FTO: variants seen among roughly 807,000 people sequenced by gnomAD.
FTO encodes alpha-ketoglutarate-dependent dioxygenase FTO.
Under a neutral mutation model 63.9 loss-of-function variants are expected in FTO, and 47 were observed. That is an observed-to-expected ratio of 0.74 (90% confidence interval 0.58 to 0.94). The LOEUF (loss-of-function observed/expected upper bound fraction) is 0.94. Among genes scored for constraint, FTO ranks in the 40% least tolerant of loss-of-function variants. The pLI is 0.00. For missense variants in FTO, 562 were observed against 618.1 expected (o/e 0.91, Z 0.96); for synonymous variants, 207 against 224.4 (o/e 0.92, Z 0.69).
chr16:53,825,737 C>T (rs1436101009), intron 2 of FTO, 127 bp from the exon 3 acceptor site: 23 of 1,013,024 alleles, frequency 2.3e-5, no homozygotes, highest in Admixed American at 3.5e-5. Flanking sequence ...GATGTGACTC[C>T]TATTTAGAAA....
chr16:53,707,437 C>T (rs1168497563), intron 1 of FTO, among the ~76,000 whole-genome samples: 1 of 152,144 alleles, frequency 6.6e-6, no homozygotes, highest in Non-Finnish European at 1.5e-5. Flanking sequence ...ATTACATTTG[C>T]AAGGACACTT....
chr16:54,037,973 A>G (rs575645664), intron 8 of FTO, among the ~76,000 whole-genome samples: 2 of 152,308 alleles, frequency 1.3e-5, no homozygotes, highest in East Asian at 1.9e-4. Flanking sequence ...ACCCTACACT[A>G]CTTCTCATCT....
At chr16:54,057,739 T>C (rs1238792193) in intron 8 of FTO, among the ~76,000 whole-genome samples, 1 of 152,134 alleles carries the variant, frequency 6.6e-6, no homozygotes, top group Non-Finnish European at 1.5e-5. Context: ...TTTTAATGCT[T>C]TGTATGCTCG....
rs116363259 is a variant in FTO, at chr16:53,773,773, T to C, written c.46-36367T>C. Among the ~76,000 whole-genome samples the C allele has an allele frequency of 7.1e-3, 1,084 of 152,286 alleles. 15 individuals carry two copies. The highest frequency in any genetic ancestry group is 0.024 in the African/African-American group (1,018 of 41,570). ...GTGTAACGTAAACATATTTGAGCTT[T>C]TATGTAAGGACCTAGTGAAGGTTTG... On this transcript the variant is annotated intron_variant, in intron 1 of 8. Coordinates refer to ENST00000471389, the MANE Select transcript of FTO (RefSeq NM_001080432.3).
At chr16:53,734,259 T>TG (rs1320885361) in intron 1 of FTO, among the ~76,000 whole-genome samples, 1 of 152,232 alleles carries the variant, frequency 6.6e-6, no homozygotes, top group South Asian at 2.1e-4. Context: ...GTCTATTATT[T>TG]GGTTTTTTTT....
At chr16:53,969,875 C>T (rs1346081772) in intron 8 of FTO, among the ~76,000 whole-genome samples, 6 of 152,274 alleles carry the variant, frequency 3.9e-5, no homozygotes, top group African/African-American at 9.6e-5. Context: ...GTTAGGGTAA[C>T]GTGGCTGTGA....
At chr16:53,778,104 A>ACCAAG (rs1305784700) in intron 1 of FTO, among the ~76,000 whole-genome samples, 8 of 152,226 alleles carry the variant, frequency 5.3e-5, no homozygotes, top group African/African-American at 1.9e-4. Context: ...CACCAAGGAC[A>ACCAAG]TGCTTAAGTG....
Position 54,112,214 on chromosome 16 carries a change from G to C in FTO, c.*299G>C, listed in dbSNP as rs1324327945. ...GGCAGGCGACAGGAACGAGCCCAGCGTGTGACAAAGCCTAACCTACTTTCC... is the reference window on the plus strand; with the variant it reads ...GGCAGGCGACAGGAACGAGCCCAGCCTGTGACAAAGCCTAACCTACTTTCC... On this transcript the variant is annotated 3_prime_UTR_variant, in exon 9 of 9. Coordinates refer to ENST00000471389, the MANE Select transcript of FTO (RefSeq NM_001080432.3). 2.5e-6 allele frequency: 1 copy of C among 407,876 alleles called. No individual in the cohort carries two copies. Among genetic ancestry groups the C allele is most frequent in the Non-Finnish European group, 4.6e-6 (1 of 216,742 alleles). 25.3% of individuals were successfully genotyped at this position (407,876 alleles called of 1,614,324 possible).
chr16:53,960,428 C>T (rs1481697197), intron 8 of FTO, among the ~76,000 whole-genome samples: 1 of 152,198 alleles, frequency 6.6e-6, no homozygotes, highest in Non-Finnish European at 1.5e-5. Context: ...TCTGATAGTG[C>T]TTGGCAGCCC....
intron 8 of FTO, among the ~76,000 whole-genome samples, chr16:54,098,001 G>T (rs1044939579): frequency 6.6e-6 from 1 of 152,122 alleles, no homozygotes; most frequent in East Asian, 1.9e-4. Flanking sequence ...ACTGCTCTTG[G>T]CCCCTTCAGG....
chr16:53,712,402 A>T (rs1012984685), intron 1 of FTO, among the ~76,000 whole-genome samples: 6 of 152,120 alleles, frequency 3.9e-5, no homozygotes, highest in African/African-American at 1.4e-4. Context: ...TTTTTTGCTT[A>T]ATCTCTCCTT....
intron 8 of FTO, among the ~76,000 whole-genome samples, chr16:54,008,891 A>G (rs1256121136): frequency 2.0e-5 from 3 of 151,632 alleles, no homozygotes; most frequent in African/African-American, 7.3e-5. Flanking sequence ...ATGTGCCTGT[A>G]GTCCCAGCTA....
chr16:53,878,158 C>A (rs576751596), intron 5 of FTO, among the ~76,000 whole-genome samples: 6 of 149,434 alleles, frequency 4.0e-5, no homozygotes, highest in Admixed American at 4.0e-4. Context: ...ATTAGCTGGG[C>A]GTGGTGGTGC....
chr16:53,829,632 G>T (rs1213546620), intron 3 of FTO, among the ~76,000 whole-genome samples: 1 of 152,246 alleles, frequency 6.6e-6, no homozygotes, highest in East Asian at 1.9e-4. Flanking sequence ...GTCATAGAGA[G>T]TGGACACTTC....
chr16:54,112,279 G>T lies in FTO; in HGVS notation c.*364G>T, dbSNP rs1216254363. The T allele has an allele frequency of 3.1e-6, 1 of 324,912 alleles. No homozygotes were observed. Among genetic ancestry groups the T allele is most frequent in the Non-Finnish European group, 5.9e-6 (1 of 169,010 alleles). The allele number at this position is 324,912 out of a possible 1,614,324, so 20.1% of individuals were successfully genotyped here. A position where few individuals can be genotyped will look rare whatever the true frequency, so the allele number is the denominator to read the frequency against. ...TTTCAGAGACTCTGGAGTGGACCCA[G>T]CCCTCTGGGGAAAGACAGAACTTAG... is the stretch of plus-strand genomic sequence containing the variant. On this transcript the variant is annotated 3_prime_UTR_variant, in exon 9 of 9. Coordinates refer to ENST00000471389, the MANE Select transcript of FTO (RefSeq NM_001080432.3).
intron 1 of FTO, among the ~76,000 whole-genome samples, chr16:53,807,081 T>C (rs1360904209): frequency 6.6e-6 from 1 of 152,238 alleles, no homozygotes; most frequent in East Asian, 1.9e-4. Context: ...ATTTCACCGA[T>C]GTAAGCATGA....
chr16:53,765,283 A>G (rs2151615863), intron 1 of FTO, among the ~76,000 whole-genome samples: 1 of 151,992 alleles, frequency 6.6e-6, no homozygotes, highest in Admixed American at 6.6e-5. Flanking sequence ...GTGGCTGGGC[A>G]TGGTGGCTCA....
At chr16:54,054,485 G>A (rs1344400939) in intron 8 of FTO, 2 of 152,030 alleles carry the variant, frequency 1.3e-5, no homozygotes, top group African/African-American at 4.8e-5. Flanking sequence ...TGATTCAGCC[G>A]GTATAAGACT....
At chr16:54,098,624 C>A (rs541872540) in intron 8 of FTO, among the ~76,000 whole-genome samples, 2 of 152,310 alleles carry the variant, frequency 1.3e-5, no homozygotes, top group Admixed American at 1.3e-4. Context: ...TACTCACTGG[C>A]AGTCTGTCTG....
Sources: gnomAD v4.1 joint callset for allele counts (sites outside exome capture counted in the v4.1 genomes callset) on GRCh38, gnomAD v4.1.1 for gene constraint, MANE v1.5 for transcripts, NCBI Gene and HGNC (gene_info 2026-07-23, HGNC 2026-07-21) for gene names.